ERBB4: variants seen among roughly 807,000 people sequenced by gnomAD.
ERBB4 encodes the protein receptor tyrosine-protein kinase erbB-4.
Under a neutral mutation model 158.0 loss-of-function variants are expected in ERBB4, and 42 were observed. The observed-to-expected ratio is 0.27, with a 90% CI of 0.21 to 0.34. The LOEUF is 0.34. Ranked by LOEUF, ERBB4 falls within the 10% of genes least tolerant of loss-of-function variation. The pLI is 1.00. For missense variants in ERBB4, 1,333 were observed against 1,624.1 expected (o/e 0.82, Z 3.08); for synonymous variants, 583 against 558.7 (o/e 1.04, Z -0.61).
chr2:212,432,669 G>T (rs1225215266), intron 1 of ERBB4, among the ~76,000 whole-genome samples: 1 of 152,118 alleles, frequency 6.6e-6, no homozygotes, highest in Non-Finnish European at 1.5e-5. Flanking sequence ...GATCAAATTA[G>T]ATTTTTAAAT....
intron 2 of ERBB4, among the ~76,000 whole-genome samples, chr2:211,978,388 G>GTCTA (rs1230858327): frequency 1.4e-4 from 16 of 112,480 alleles, no homozygotes; most frequent in Non-Finnish European, 1.5e-4. Flanking sequence ...CTGTCTGTCT[G>GTCTA]TCTGTCTGTC....
chr2:212,336,066 C>A lies in ERBB4; in HGVS notation c.82+202383G>T, dbSNP rs2088426058. 4.6e-5 allele frequency among the ~76,000 whole-genome samples: 7 copies of A among 151,860 alleles called. 1 individual carries two copies. The highest frequency in any genetic ancestry group is 4.6e-4 in the Admixed American group (7 of 15,194). ...CACACTGCTCCAGTTTTTAAGCAAG[C>A]ACTGGGGGAACTGGGGGATACATGG... On this transcript the variant is annotated intron_variant, in intron 1 of 27. Transcript: ENST00000342788.
At chr2:212,286,393 G>A (rs2085962340) in intron 1 of ERBB4, among the ~76,000 whole-genome samples, 1 of 151,902 alleles carries the variant, frequency 6.6e-6, no homozygotes, top group African/African-American at 2.4e-5. Flanking sequence ...ATAAGTTTCT[G>A]TACTACCCAT....
At chr2:211,920,815 G>A (rs2079838925) in intron 3 of ERBB4, among the ~76,000 whole-genome samples, 1 of 151,142 alleles carries the variant, frequency 6.6e-6, no homozygotes, top group Non-Finnish European at 1.5e-5. Context: ...TATTTGCCAG[G>A]TGATATGCAA....
intron 20 of ERBB4, among the ~76,000 whole-genome samples, chr2:211,556,490 T>A (rs1162793417): frequency 6.6e-6 from 1 of 152,206 alleles, no homozygotes; most frequent in Non-Finnish European, 1.5e-5. Flanking sequence ...TATACTTTCT[T>A]CTTTTTTTAA....
At chr2:211,744,055 A>G (rs964156987) in intron 5 of ERBB4, among the ~76,000 whole-genome samples, 13 of 152,232 alleles carry the variant, frequency 8.5e-5, no homozygotes, top group African/African-American at 2.9e-4. Flanking sequence ...ATCTACTTAC[A>G]TTAATATTTA....
chr2:212,341,522 T>C (rs2088711605), intron 1 of ERBB4, among the ~76,000 whole-genome samples: 1 of 152,170 alleles, frequency 6.6e-6, no homozygotes, highest in Non-Finnish European at 1.5e-5. Context: ...GTATTCAATG[T>C]GAACTTATTC....
intron 12 of ERBB4, among the ~76,000 whole-genome samples, chr2:211,687,676 CTTTT>C (rs758725927): frequency 6.6e-6 from 1 of 151,626 alleles, no homozygotes; most frequent in Non-Finnish European, 1.5e-5. Flanking sequence ...TTTGTTGGGG[CTTTT>C]TTTTATCTGC....
intron 12 of ERBB4, among the ~76,000 whole-genome samples, chr2:211,699,173 G>C (rs1191522195): frequency 6.6e-6 from 1 of 152,138 alleles, no homozygotes; most frequent in Non-Finnish European, 1.5e-5. Flanking sequence ...GTAAATGTAG[G>C]TGAGCATGTA....
At chr2:211,410,464 A>G (rs1157905566) in intron 25 of ERBB4, among the ~76,000 whole-genome samples, 2 of 152,232 alleles carry the variant, frequency 1.3e-5, no homozygotes, top group East Asian at 3.8e-4. Context: ...TTTAAATATT[A>G]AAGAGAAAAA....
intron 1 of ERBB4, among the ~76,000 whole-genome samples, chr2:212,455,737 T>G (rs2106043159): frequency 6.6e-6 from 1 of 152,312 alleles, no homozygotes; most frequent in South Asian, 2.1e-4. Context: ...TTTTAAAGTG[T>G]TACTTTTTAA....
intron 1 of ERBB4, among the ~76,000 whole-genome samples, chr2:212,387,748 T>G (rs1490034711): frequency 1.3e-5 from 2 of 152,106 alleles, no homozygotes; most frequent in Non-Finnish European, 2.9e-5. Context: ...TTGAACATTT[T>G]GAATTCAGTT....
At chr2:212,190,363 C>T (rs1327391304) in intron 1 of ERBB4, among the ~76,000 whole-genome samples, 1 of 152,008 alleles carries the variant, frequency 6.6e-6, no homozygotes, top group East Asian at 1.9e-4. Context: ...GGTGAAACCC[C>T]GTCTCTACTG....
intron 3 of ERBB4, among the ~76,000 whole-genome samples, chr2:211,816,711 C>T (rs567458908): frequency 5.9e-5 from 9 of 152,058 alleles, no homozygotes; most frequent in Admixed American, 3.3e-4. Flanking sequence ...ATCACATAAA[C>T]GGACCACCAC....
intron 14 of ERBB4, among the ~76,000 whole-genome samples, chr2:211,669,138 G>A (rs867030107): frequency 4.9e-5 from 7 of 143,596 alleles, no homozygotes; most frequent in South Asian, 2.2e-4. Context: ...CATGAGACTC[G>A]TTTGTGCCCA....
intron 2 of ERBB4, among the ~76,000 whole-genome samples, chr2:212,018,402 G>A (rs908351009): frequency 6.6e-6 from 1 of 152,046 alleles, no homozygotes; most frequent in Non-Finnish European, 1.5e-5. Flanking sequence ...TCAAAATATT[G>A]AGTCACTTAC....
chr2:212,372,698 G>A (rs953344596), intron 1 of ERBB4, among the ~76,000 whole-genome samples: 4 of 152,120 alleles, frequency 2.6e-5, no homozygotes, highest in African/African-American at 4.8e-5. Flanking sequence ...GCGGTGAGCC[G>A]AGATTGCACC....
chr2:212,312,651 G>GA (rs1425959127), intron 1 of ERBB4, among the ~76,000 whole-genome samples: 2 of 150,662 alleles, frequency 1.3e-5, no homozygotes. Context: ...AATATATTCA[G>GA]AAAAAAATTA....
At chr2:211,517,894 T>C (rs544560417) in intron 20 of ERBB4, among the ~76,000 whole-genome samples, 1 of 152,218 alleles carries the variant, frequency 6.6e-6, no homozygotes, top group East Asian at 1.9e-4. Context: ...GACAGCTTCC[T>C]TTTATAGTCA....
Sources: allele counts gnomAD v4.1 joint callset (sites outside exome capture counted in the v4.1 genomes callset), GRCh38; gene constraint gnomAD v4.1.1; transcripts MANE v1.5; gene names NCBI Gene and HGNC (gene_info 2026-07-23, HGNC 2026-07-21).